Variants in IRAK1BP1 observed in about 807,000 individuals in gnomAD.
IRAK1BP1 encodes the protein interleukin 1 receptor associated kinase 1 binding protein 1, also known as interleukin-1 receptor-associated kinase 1-binding protein 1.
A neutral mutation model predicts 28.0 loss-of-function variants in IRAK1BP1; 24 were observed. The observed-to-expected ratio is 0.86, with a 90% CI of 0.62 to 1.20. The LOEUF is 1.20. Among genes scored for constraint, IRAK1BP1 ranks in the 50% most tolerant of loss-of-function variants. The pLI is 0.00. For missense variants in IRAK1BP1, 336 were observed against 316.7 expected (o/e 1.06, Z -0.46); for synonymous variants, 131 against 116.3 (o/e 1.13, Z -0.81).
At chr6:78,872,718 G>A (rs973218474) in intron 1 of IRAK1BP1, among the ~76,000 whole-genome samples, 2 of 152,084 alleles carry the variant, frequency 1.3e-5, no homozygotes, top group Admixed American at 1.3e-4. Context: ...CCTGGATTAT[G>A]TATATTTGAA....
the IRAK1BP1 span, among the ~76,000 whole-genome samples, chr6:78,952,700 T>C: frequency 6.6e-6 from 1 of 152,192 alleles, no homozygotes; most frequent in Non-Finnish European, 1.5e-5. Flanking sequence ...AAGTTTAATT[T>C]CAGTAATTAT....
intron 4 of IRAK1BP1, among the ~76,000 whole-genome samples, chr6:78,930,701 G>A (rs565768854): frequency 7.9e-5 from 12 of 152,256 alleles, no homozygotes; most frequent in Middle Eastern, 3.4e-3. Flanking sequence ...AGAGGCCGAG[G>A]CGGGCGGATC....
chr6:78,924,607 A>C (rs1772836225), intron 4 of IRAK1BP1, among the ~76,000 whole-genome samples: 1 of 152,190 alleles, frequency 6.6e-6, no homozygotes, highest in Admixed American at 6.5e-5. Context: ...TGGCAGAGAC[A>C]CAACAAAAAA....
At chr6:78,974,311 A>T in the IRAK1BP1 span, among the ~76,000 whole-genome samples, 1 of 151,980 alleles carries the variant, frequency 6.6e-6, no homozygotes, top group South Asian at 2.1e-4. Context: ...AGAAATAAAG[A>T]TGTTCTTTGA....
At chr6:78,974,107 A>C in the IRAK1BP1 span, among the ~76,000 whole-genome samples, 1 of 152,046 alleles carries the variant, frequency 6.6e-6, no homozygotes, top group South Asian at 2.1e-4. Context: ...CTATTCCAAA[A>C]TTGACCACAT....
At chr6:78,936,860 G>A (rs1773289965) in intron 4 of IRAK1BP1, 1 of 151,736 alleles carries the variant, frequency 6.6e-6, no homozygotes, top group South Asian at 2.1e-4. Flanking sequence ...CTTAGTAAAT[G>A]TAATATTAAT....
intron 4 of IRAK1BP1, among the ~76,000 whole-genome samples, chr6:78,921,679 G>A (rs780982776): frequency 3.4e-4 from 52 of 152,174 alleles, no homozygotes; most frequent in Non-Finnish European, 6.2e-4. Context: ...TCCCCCAGTA[G>A]GGGCAGACTG....
chr6:78,893,272 GTA>G (rs1413582870), intron 2 of IRAK1BP1, among the ~76,000 whole-genome samples: 16 of 121,366 alleles, frequency 1.3e-4, no homozygotes, highest in South Asian at 3.3e-4. Context: ...ACTAAAAGGT[GTA>G]TATATATGTG....
chr6:78,945,508 C>T, exon 5 of IRAK1BP1: 3 of 1,521,388 alleles, frequency 2.0e-6, no homozygotes, highest in Admixed American at 1.7e-5. Flanking sequence ...CTAAAACATA[C>T]AAACAAAATT....
At chr6:78,903,201 G>A, downstream of IRAK1BP1, 1 of 652,122 alleles carries the variant, frequency 1.5e-6, no homozygotes, top group Non-Finnish European at 2.5e-6. Context: ...TTTATTAGGA[G>A]GCCAGGCATG....
At chr6:78,925,995 T>TG (rs1359824680) in intron 4 of IRAK1BP1, among the ~76,000 whole-genome samples, 1 of 151,946 alleles carries the variant, frequency 6.6e-6, no homozygotes, top group Admixed American at 6.6e-5. Context: ...TGATTAAACA[T>TG]GGGCACAAAG....
downstream of IRAK1BP1, among the ~76,000 whole-genome samples, chr6:78,951,274 T>C (rs1774128089): frequency 6.6e-6 from 1 of 152,180 alleles, no homozygotes; most frequent in South Asian, 2.1e-4. Context: ...TTGGCTCATA[T>C]CTTGGGCTTA....
chr6:78,909,497 A>G (rs1401468501), intron 4 of IRAK1BP1, among the ~76,000 whole-genome samples: 1 of 152,232 alleles, frequency 6.6e-6, no homozygotes. Flanking sequence ...AGAGACATGT[A>G]TTTGTATGCT....
chr6:78,903,076 A>G lies in IRAK1BP1; in HGVS notation c.*4742A>G, dbSNP rs1012170121. 26 of 1,524,470 alleles carry G rather than the reference A, an allele frequency of 1.7e-5. No homozygotes were observed. In the African/African-American group the frequency reaches 3.6e-4, roughly 21 times the overall value. The allele number at this position is 1,524,470 out of a possible 1,614,324, so 94.4% of individuals were successfully genotyped here. On this transcript the variant is annotated 3_prime_UTR_variant, in exon 4 of 4. Coordinates refer to ENST00000369940, the MANE Select transcript of IRAK1BP1 (RefSeq NM_001010844.4). The stretch of plus-strand genomic sequence containing the variant: ...ACCTGTGAATTATCATGAATCCCAC[A>G]TCAAATGAACAAATACTGCCTCTGG...
At chr6:78,948,823 G>A (rs1047852888), downstream of IRAK1BP1, among the ~76,000 whole-genome samples, 3 of 152,034 alleles carry the variant, frequency 2.0e-5, no homozygotes, top group Non-Finnish European at 4.4e-5. Flanking sequence ...CTCAGTATGC[G>A]ACTATATTTT....
the IRAK1BP1 span, chr6:78,958,676 T>C: frequency 1.1e-6 from 1 of 880,422 alleles, no homozygotes; most frequent in South Asian, 1.5e-5. Context: ...AACCAAGACA[T>C]TCCAACTTTT....
chr6:78,960,214 T>C, the IRAK1BP1 span, among the ~76,000 whole-genome samples: 1 of 152,218 alleles, frequency 6.6e-6, no homozygotes, highest in Non-Finnish European at 1.5e-5. Flanking sequence ...AAACCTTATG[T>C]ATAGTATACT....
intron 4 of IRAK1BP1, among the ~76,000 whole-genome samples, chr6:78,944,877 A>C (rs1435103457): frequency 1.3e-5 from 2 of 152,200 alleles, no homozygotes; most frequent in Non-Finnish European, 2.9e-5. Context: ...TGGAGGTGAA[A>C]GAACTTGAAG....
intron 4 of IRAK1BP1, among the ~76,000 whole-genome samples, chr6:78,929,597 C>A (rs1772986846): frequency 6.6e-6 from 1 of 152,124 alleles, no homozygotes; most frequent in Non-Finnish European, 1.5e-5. Context: ...TGCTTGGTAC[C>A]TGGATTATAG....
Sources: gnomAD v4.1 joint callset for allele counts (sites outside exome capture counted in the v4.1 genomes callset) on GRCh38, gnomAD v4.1.1 for gene constraint, MANE v1.5 for transcripts, NCBI Gene and HGNC (gene_info 2026-07-23, HGNC 2026-07-21) for gene names.